SPDEF: variants seen among roughly 807,000 people sequenced by gnomAD.
The protein encoded by SPDEF is SAM pointed domain containing ETS transcription factor, also known as SAM pointed domain-containing Ets transcription factor.
In SPDEF, 12 loss-of-function variants were observed where a neutral mutation model predicts 36.0. The ratio of observed to expected loss-of-function variants is 0.33; its 90% CI spans 0.21 to 0.54. The LOEUF (loss-of-function observed/expected upper bound fraction) is 0.54. SPDEF is among the 20% of genes least tolerant of loss of function. The probability of loss-of-function intolerance (pLI) is 0.93; values close to 1 mark genes in which losing one functional copy is unlikely to be tolerated. For synonymous variants in SPDEF, 205 were observed against 193.0 expected (o/e 1.06, Z -0.51); for missense variants, 388 against 456.9 (o/e 0.85, Z 1.37).
In SPDEF at chr6:34,538,451, G is replaced by A; in HGVS notation, c.831C>T (p.Gly277=). 1 of 1,610,996 alleles carries A rather than the reference G, an allele frequency of 6.2e-7. No individual in the cohort carries two copies. The highest frequency in any genetic ancestry group is 1.3e-5 in the African/African-American group (1 of 74,980). ...GGGCTGAGTCCTCAATTTTGAAGAT[G>A]CCTAGAGCAGGAGGGCCCCGAGAGA... ...RFIRWLNKEK[G]IFKIEDSAQV... is the part of the protein sequence containing the mutation. Residue 277 remains glycine, a splice_region_variant and synonymous_variant, in exon 6 of 6, where the codon GGC becomes GGT. Transcript: ENST00000374037. This position sits in a 1 kb window ranked among gnomAD's most constrained non-coding sequence, Gnocchi z 5.9.
intron 1 of SPDEF, among the ~76,000 whole-genome samples, chr6:34,545,866 T>A (rs938041953): frequency 6.6e-6 from 1 of 151,572 alleles, no homozygotes; most frequent in Admixed American, 6.6e-5. Context: ...TGAGCCGAGA[T>A]CGTGCCACTG....
intron 1 of SPDEF, among the ~76,000 whole-genome samples, chr6:34,548,308 C>G (rs1767994982): frequency 6.6e-6 from 1 of 152,118 alleles, no homozygotes; most frequent in Non-Finnish European, 1.5e-5. Flanking sequence ...CTGGCCAGTC[C>G]CATCTTCCTA....
At chr6:34,540,928 TC>T in intron 3 of SPDEF, 55 bp downstream of exon 3, 1 of 1,534,184 alleles carries the variant, frequency 6.5e-7, no homozygotes, top group African/African-American at 1.4e-5. Flanking sequence ...CTAGCCAGCA[TC>T]CTGTCCCTGG....
Position 34,544,339 on chromosome 6 carries a change from C to T in SPDEF, c.117G>A (p.Glu39=). The T allele has an allele frequency of 6.2e-7, 1 of 1,607,346 alleles. No homozygotes were observed. The part of the protein sequence containing the change: ...EKAAAGAVGL[E]RRDWSPSPPA... ...GTGGACTGGGACTCCAGTCCCGTCT[C>T]TCGAGACCCACTGCCCCCGCTGCCG... is the stretch of plus-strand genomic sequence containing the variant. Residue 39 remains glutamate (E), a synonymous_variant, in exon 2 of 6, where the codon GAG becomes GAA. Coordinates refer to ENST00000374037, the MANE Select transcript of SPDEF (RefSeq NM_012391.3). This position sits in a 1 kb window ranked among gnomAD's most constrained non-coding sequence, Gnocchi z 4.4.
intron 1 of SPDEF, among the ~76,000 whole-genome samples, chr6:34,551,632 G>A (rs761783086): frequency 2.6e-5 from 4 of 152,188 alleles, no homozygotes; most frequent in Non-Finnish European, 5.9e-5. Context: ...GTAAGCAAAG[G>A]CATACTCCAT....
Position 34,538,895 on chromosome 6 carries a change from C to A in SPDEF, c.829+355G>T, listed in dbSNP as rs941921970. The stretch of plus-strand genomic sequence containing the variant: ...CCATTACAGGTGTCTCTGTAGTTCC[C>A]AAGCCTGAAACAACCTCTTTGCTAT... On this transcript the variant is annotated intron_variant, in intron 5 of 5. Coordinates refer to ENST00000374037, the MANE Select transcript of SPDEF (RefSeq NM_012391.3). This position sits in a 1 kb window ranked among gnomAD's most constrained non-coding sequence, Gnocchi z 5.9. Among the ~76,000 whole-genome samples, 2 of 152,198 alleles carry A rather than the reference C, an allele frequency of 1.3e-5. No homozygotes were observed. The highest frequency in any genetic ancestry group is 2.4e-5 in the African/African-American group (1 of 41,430).
rs1210121457 is a variant in SPDEF, at chr6:34,552,288, A to G, written c.-30+3641T>C. Among the ~76,000 whole-genome samples the G allele has an allele frequency of 6.6e-6, 1 of 152,142 alleles. No homozygotes were observed. Among genetic ancestry groups the G allele is most frequent in the Non-Finnish European group, 1.5e-5 (1 of 68,032 alleles). On this transcript the variant is annotated intron_variant, in intron 1 of 5. Transcript: ENST00000374037. This position sits in a 1 kb window ranked among gnomAD's most constrained non-coding sequence, Gnocchi z 4.6. Reference sequence around the variant, plus strand: ...GTTTCCTGGGTCTCTTGCTCCCCACAGCCCTGCCCAGCAGGGTCGTTGAGG... The same window carrying G: ...GTTTCCTGGGTCTCTTGCTCCCCACGGCCCTGCCCAGCAGGGTCGTTGAGG...
intron 2 of SPDEF, among the ~76,000 whole-genome samples, chr6:34,541,508 G>C (rs1460836266): frequency 6.6e-6 from 1 of 152,228 alleles, no homozygotes; most frequent in Non-Finnish European, 1.5e-5. Context: ...CTCAGCCCTA[G>C]AGGGACAGTG....
chr6:34,541,230 C>A lies in SPDEF; in HGVS notation c.437-49G>T, dbSNP rs1404275903. 2.0e-6 allele frequency: 3 copies of A among 1,519,596 alleles called. No individual in the cohort carries two copies. The Admixed American group carries it at 5.9e-5, about 30-fold the overall frequency. The allele number at this position is 1,519,596 out of a possible 1,614,324, so 94.1% of individuals were successfully genotyped here. ...CTCAGGGGTGGCCTGAGAGCACCAC[C>A]CTGCTGTGATGGGGCACCCATGGGA... is the stretch of plus-strand genomic sequence containing the variant. On this transcript the variant is annotated intron_variant, in intron 2 of 5. Transcript: ENST00000374037.
chr6:34,553,844 G>C (rs1360089018), intron 1 of SPDEF, among the ~76,000 whole-genome samples: 1 of 151,878 alleles, frequency 6.6e-6, no homozygotes, highest in Non-Finnish European at 1.5e-5. Context: ...GCAGCTGCAG[G>C]CTTCACCCAC....
rs1768144855 is a variant in SPDEF, at chr6:34,555,262, CT to C, written c.-30+666del. On this transcript the variant is annotated intron_variant, in intron 1 of 5. Transcript: ENST00000374037. This position sits in a 1 kb window ranked among gnomAD's most constrained non-coding sequence, Gnocchi z 5.2. Reference sequence around the variant, plus strand: ...TCTGGCAAATCTTAGAAATGAGCACCTTCGAGGTACTGCTACTGTTGCTTTC... The same window carrying C: ...TCTGGCAAATCTTAGAAATGAGCACCTCGAGGTACTGCTACTGTTGCTTTC... Among the ~76,000 whole-genome samples, 1 of 152,100 alleles carries C rather than the reference CT, an allele frequency of 6.6e-6. No individual in the cohort carries two copies. The highest frequency in any genetic ancestry group is 1.5e-5 in the Non-Finnish European group (1 of 68,030).
In SPDEF at chr6:34,544,303, G is replaced by A. The variant is rs576498823; in HGVS notation, c.153C>T (p.Pro51=). The change falls in exon 2 of 6, where the codon CCC becomes CCT. Residue 51 remains proline, a synonymous_variant. Transcript: ENST00000374037. This position sits in a 1 kb window ranked among gnomAD's most constrained non-coding sequence, Gnocchi z 4.4. ...RDWSPSPPAT[P]EQGLSAFYLS... ...GGTAGAAGGCGGACAGGCCCTGCTC[G>A]GGCGTGGCGGGTGGACTGGGACTCC... 21 of 1,611,050 alleles carry A rather than the reference G, an allele frequency of 1.3e-5. No homozygotes were observed. Among genetic ancestry groups the A allele is most frequent in the Admixed American group, 6.7e-5 (4 of 60,032 alleles).
At chr6:34,546,788 G>T (rs1767961363) in intron 1 of SPDEF, among the ~76,000 whole-genome samples, 1 of 152,028 alleles carries the variant, frequency 6.6e-6, no homozygotes, top group Non-Finnish European at 1.5e-5. Flanking sequence ...AGGGTGGGGT[G>T]GGGTGGGCAG....
intron 3 of SPDEF, among the ~76,000 whole-genome samples, chr6:34,540,751 A>C (rs891102137): frequency 1.3e-5 from 2 of 151,938 alleles, no homozygotes; most frequent in Non-Finnish European, 2.9e-5. Context: ...CTACCTTTTA[A>C]CCTCCCAGGT....
At chr6:34,554,767 G>A (rs1013838688) in intron 1 of SPDEF, among the ~76,000 whole-genome samples, 10 of 152,224 alleles carry the variant, frequency 6.6e-5, no homozygotes, top group East Asian at 1.9e-4. Context: ...CTGGTGGGGC[G>A]TCTCCTCCCC....
chr6:34,554,945 TA>T (rs979476021), intron 1 of SPDEF, among the ~76,000 whole-genome samples: 2 of 152,104 alleles, frequency 1.3e-5, no homozygotes, highest in Non-Finnish European at 2.9e-5. Context: ...ATGGCCATCA[TA>T]AAGGACACAG....
chr6:34,539,432 G>A lies in SPDEF; in HGVS notation c.683-36C>T. 10 of 1,612,370 alleles carry A rather than the reference G, an allele frequency of 6.2e-6. No homozygotes were observed. Among genetic ancestry groups the A allele is most frequent in the Non-Finnish European group, 8.5e-6 (10 of 1,179,816 alleles). ...AGGGAGGGTGGCGGTGAGTGGGAAT[G>A]GGAGGCCAGTCCCGGCTTCATTGGC... On this transcript the variant is annotated intron_variant, in intron 4 of 5. Coordinates refer to ENST00000374037, the MANE Select transcript of SPDEF (RefSeq NM_012391.3). This position sits in a 1 kb window ranked among gnomAD's most constrained non-coding sequence, Gnocchi z 5.2.
intron 1 of SPDEF, among the ~76,000 whole-genome samples, chr6:34,549,356 C>T (rs954784500): frequency 3.3e-5 from 5 of 152,124 alleles, no homozygotes; most frequent in Admixed American, 2.0e-4. Context: ...CTTCCATTCC[C>T]CCAGGAAGGA....
intron 2 of SPDEF, among the ~76,000 whole-genome samples, chr6:34,543,326 A>G (rs969270248): frequency 2.0e-5 from 3 of 152,106 alleles, no homozygotes; most frequent in Non-Finnish European, 4.4e-5. Flanking sequence ...ATTGATGAGC[A>G]AAACAAATGA....
Sources: gnomAD v4.1 joint callset for allele counts (sites outside exome capture counted in the v4.1 genomes callset) on GRCh38, gnomAD v4.1.1 for gene constraint, Gnocchi (gnomAD v3.1) non-coding constraint, MANE v1.5 for transcripts, NCBI Gene and HGNC (gene_info 2026-07-23, HGNC 2026-07-21) for gene names.